The following TUSC3 variants were observed in gnomAD, a reference collection of about 807,000 sequenced individuals.
TUSC3 encodes dolichyl-diphosphooligosaccharide--protein glycosyltransferase subunit TUSC3.
TUSC3 carries 45 observed loss-of-function variants against 44.8 expected under a neutral mutation model. The ratio of observed to expected loss-of-function variants is 1.00; its 90% confidence interval spans 0.79 to 1.29. The LOEUF (loss-of-function observed/expected upper bound fraction) is 1.29, where lower values mean the gene tolerates loss of function less well. Ranked by LOEUF, TUSC3 falls within the 50% of genes most tolerant of loss-of-function variation. TUSC3 has a pLI of 0.00. For missense variants in TUSC3, 519 were observed against 437.9 expected (o/e 1.19, Z -1.65); for synonymous variants, 212 against 152.9 (o/e 1.39, Z -2.85).
chr8:15,612,225 T>G (rs1424466262), intron 1 of TUSC3, among the ~76,000 whole-genome samples: 2 of 152,120 alleles, frequency 1.3e-5, no homozygotes, highest in African/African-American at 4.8e-5. Context: ...ATGTGACTGG[T>G]AAACAAACAC....
chr8:15,636,548 A>T (rs1333864124), intron 2 of TUSC3, among the ~76,000 whole-genome samples: 2 of 152,220 alleles, frequency 1.3e-5, no homozygotes, highest in Non-Finnish European at 2.9e-5. Flanking sequence ...GCGTTGGTAC[A>T]TGGAAGACAA....
chr8:15,575,692 A>G (rs1207511367), intron 1 of TUSC3, among the ~76,000 whole-genome samples: 1 of 152,138 alleles, frequency 6.6e-6, no homozygotes, highest in Non-Finnish European at 1.5e-5. Context: ...ACTTGAACCC[A>G]GGAGGTGGAG....
At chr8:15,846,977 C>G in the TUSC3 span, among the ~76,000 whole-genome samples, 1 of 151,974 alleles carries the variant, frequency 6.6e-6, no homozygotes, top group Non-Finnish European at 1.5e-5. Context: ...ATGCCTAACT[C>G]TCAGACTCAC....
the TUSC3 span, among the ~76,000 whole-genome samples, chr8:15,830,962 C>G: frequency 2.6e-5 from 4 of 151,178 alleles, no homozygotes; most frequent in Non-Finnish European, 4.4e-5. Context: ...GCCACGCTGT[C>G]ACTGCCACCA....
At chr8:15,849,202 C>T in the TUSC3 span, among the ~76,000 whole-genome samples, 153 of 152,186 alleles carry the variant, frequency 1.0e-3, 1 homozygote, top group African/African-American at 3.5e-3. Flanking sequence ...CACTTCGTGA[C>T]GTATTCCATA....
intron 2 of TUSC3, among the ~76,000 whole-genome samples, chr8:15,626,764 C>G (rs934009485): frequency 2.6e-5 from 4 of 152,288 alleles, no homozygotes; most frequent in African/African-American, 9.6e-5. Flanking sequence ...AGCTGACATG[C>G]CAGCCCCCTG....
At chr8:15,698,201 G>A (rs1809250660) in intron 6 of TUSC3, among the ~76,000 whole-genome samples, 1 of 152,236 alleles carries the variant, frequency 6.6e-6, no homozygotes, top group South Asian at 2.1e-4. Flanking sequence ...CAAAGCTGCT[G>A]TGTTAATAAT....
intron 6 of TUSC3, among the ~76,000 whole-genome samples, chr8:15,674,909 A>T (rs1453283726): frequency 6.6e-6 from 1 of 151,986 alleles, no homozygotes; most frequent in East Asian, 1.9e-4. Flanking sequence ...CCTTACCTTT[A>T]ATTTTTCACA....
At chr8:15,778,111 A>C in the TUSC3 span, among the ~76,000 whole-genome samples, 245 of 103,744 alleles carry the variant, frequency 2.4e-3, no homozygotes, top group Non-Finnish European at 4.3e-3. Flanking sequence ...AAAAAAAAAA[A>C]CAAAAAACCA....
intron 2 of TUSC3, among the ~76,000 whole-genome samples, chr8:15,497,529 C>T (rs1196714007): frequency 1.3e-5 from 2 of 151,988 alleles, no homozygotes; most frequent in African/African-American, 4.8e-5. Context: ...TCTCCTTTGA[C>T]GAGGGCAATT....
At chr8:15,586,132 C>G (rs570420644) in intron 1 of TUSC3, among the ~76,000 whole-genome samples, 3 of 152,078 alleles carry the variant, frequency 2.0e-5, no homozygotes, top group Admixed American at 2.0e-4. Context: ...CATATAAGGT[C>G]AAGTCAGAGA....
rs2543145 is a variant in TUSC3, at chr8:15,736,150, T to G, written c.862+5421T>G. On this transcript the variant is annotated intron_variant, in intron 7 of 10. Transcript: ENST00000503731. ...ACACATACACGCAGGTGCATGTGCTTTGTGCTGAGATACAAGAGTCACAAA... is the reference window on the plus strand; with the variant it reads ...ACACATACACGCAGGTGCATGTGCTGTGTGCTGAGATACAAGAGTCACAAA... Among the ~76,000 whole-genome samples, 36 of 152,164 alleles carry G rather than the reference T, an allele frequency of 2.4e-4. 1 individual carries two copies. Among genetic ancestry groups the G allele is most frequent in the Admixed American group, 9.8e-4 (15 of 15,276 alleles).
At chr8:15,704,775 C>T (rs4273855) in intron 6 of TUSC3, among the ~76,000 whole-genome samples, 28,958 of 151,692 alleles carry the variant, frequency 0.19, 2,874 homozygotes, top group South Asian at 0.23. Flanking sequence ...TTGTTTGCTC[C>T]TATATTGACC....
intron 1 of TUSC3, among the ~76,000 whole-genome samples, chr8:15,461,069 A>G (rs548667934): frequency 1.3e-5 from 2 of 152,228 alleles, no homozygotes; most frequent in African/African-American, 2.4e-5. Context: ...GTGAAGAATG[A>G]TGGTGGTATT....
At chr8:15,537,846 G>A (rs767968401), upstream of TUSC3, among the ~76,000 whole-genome samples, 12 of 152,148 alleles carry the variant, frequency 7.9e-5, no homozygotes, top group Non-Finnish European at 1.8e-4. Flanking sequence ...ATATCTAGAT[G>A]TCAATATTTT....
intron 6 of TUSC3, among the ~76,000 whole-genome samples, chr8:15,702,989 AAC>A (rs1042736289): frequency 1.3e-5 from 2 of 152,078 alleles, no homozygotes; most frequent in African/African-American, 4.8e-5. Flanking sequence ...ACAAACAAAA[AAC>A]ACCACACAGT....
chr8:15,655,594 C>A (rs556840617), intron 3 of TUSC3, among the ~76,000 whole-genome samples: 3 of 152,282 alleles, frequency 2.0e-5, no homozygotes, highest in Non-Finnish European at 2.9e-5. Context: ...TCCTTCTATT[C>A]CTGCTCCAAA....
intron 1 of TUSC3, among the ~76,000 whole-genome samples, chr8:15,473,897 A>T (rs911723806): frequency 6.6e-6 from 1 of 152,150 alleles, no homozygotes; most frequent in Non-Finnish European, 1.5e-5. Context: ...CAGAGAACCA[A>T]TCTGATGTCA....
At chr8:15,807,143 T>C in the TUSC3 span, 1 of 954,478 alleles carries the variant, frequency 1.0e-6, no homozygotes, top group South Asian at 1.3e-5. Context: ...CAAGTCCACT[T>C]GGCAAAGCAA....
Sources: allele counts gnomAD v4.1 joint callset (sites outside exome capture counted in the v4.1 genomes callset), GRCh38; gene constraint gnomAD v4.1.1; transcripts MANE v1.5; gene names NCBI Gene and HGNC (gene_info 2026-07-23, HGNC 2026-07-21).